UNC13C: variants seen among roughly 807,000 people sequenced by gnomAD.
UNC13C encodes the protein unc-13 homolog C.
In UNC13C, 174 loss-of-function variants were observed where a neutral mutation model predicts 245.4. The ratio of observed to expected loss-of-function variants is 0.71; its 90% CI spans 0.63 to 0.80. UNC13C has a LOEUF of 0.80. Among genes scored for constraint, UNC13C ranks in the 30% least tolerant of loss-of-function variants. UNC13C has a pLI of 0.00. For synonymous variants in UNC13C, 992 were observed against 895.1 expected (o/e 1.11, Z -1.93); for missense variants, 2,829 against 2,602.9 (o/e 1.09, Z -1.89).
intron 14 of UNC13C, 63 bp downstream of exon 14, chr15:54,322,158 C>A: frequency 7.0e-7 from 1 of 1,419,220 alleles, no homozygotes; most frequent in Non-Finnish European, 9.3e-7. Context: ...TTTCAAGAGA[C>A]TTTGAACTTA....
intron 7 of UNC13C, 97 bp from the exon 8 acceptor site, chr15:54,250,128 A>T: frequency 2.5e-6 from 3 of 1,201,494 alleles, no homozygotes. Context: ...TCAAAATACC[A>T]TTTTCAGAGA....
At chr15:54,525,716 C>T (rs1424176475) in intron 25 of UNC13C, 79 bp downstream of exon 25, 2 of 1,179,514 alleles carry the variant, frequency 1.7e-6, no homozygotes, top group African/African-American at 1.5e-5. Context: ...AATGCTGTTT[C>T]CTCTGACTGA....
chr15:54,022,575 G>A (rs1308893246), intron 2 of UNC13C, among the ~76,000 whole-genome samples: 2 of 152,086 alleles, frequency 1.3e-5, no homozygotes, highest in Non-Finnish European at 2.9e-5. Flanking sequence ...CAGGTTCTTT[G>A]CCTATTTTAA....
intron 30 of UNC13C, among the ~76,000 whole-genome samples, chr15:54,584,482 G>A (rs1239063075): frequency 4.6e-5 from 7 of 152,282 alleles, no homozygotes; most frequent in African/African-American, 7.2e-5. Flanking sequence ...CAAATTAAAC[G>A]TGCAAAACTG....
At chr15:54,449,274 A>C (rs987501395) in intron 19 of UNC13C, among the ~76,000 whole-genome samples, 1 of 151,974 alleles carries the variant, frequency 6.6e-6, no homozygotes, top group Non-Finnish European at 1.5e-5. Context: ...CTTCTCAAGG[A>C]GTATCTTTGT....
intron 24 of UNC13C, among the ~76,000 whole-genome samples, chr15:54,512,630 T>G (rs1365814479): frequency 1.3e-5 from 2 of 152,166 alleles, no homozygotes; most frequent in Non-Finnish European, 2.9e-5. Context: ...TTTCTCCCCA[T>G]GCCCTTATTC....
At chr15:54,331,095 C>A (rs1189603684) in intron 14 of UNC13C, among the ~76,000 whole-genome samples, 1 of 152,080 alleles carries the variant, frequency 6.6e-6, no homozygotes, top group Non-Finnish European at 1.5e-5. Context: ...CATAAATCCA[C>A]CTCCTCTGTG....
chr15:54,418,082 G>A lies in UNC13C; in HGVS notation c.4933+3015G>A, dbSNP rs563320513. Reference sequence around the variant, plus strand: ...GTTTTCTAGTCCCTTCTATATTGAAGTACATTGTTCATCAGTTTAATTGTC... The same window carrying A: ...GTTTTCTAGTCCCTTCTATATTGAAATACATTGTTCATCAGTTTAATTGTC... On this transcript the variant is annotated intron_variant, in intron 19 of 32. Coordinates refer to ENST00000260323, the MANE Select transcript of UNC13C (RefSeq NM_001080534.3). 5.3e-5 allele frequency among the ~76,000 whole-genome samples: 8 copies of A among 152,154 alleles called. No individual in the cohort carries two copies. The South Asian group carries it at 1.0e-3, about 20-fold the overall frequency.
chr15:54,376,934 T>C lies in UNC13C; in HGVS notation c.4714-16114T>C, dbSNP rs1015105459. Among the ~76,000 whole-genome samples the C allele has an allele frequency of 3.3e-5, 5 of 152,154 alleles. No individual in the cohort carries two copies. In the East Asian group the frequency reaches 9.6e-4, roughly 29 times the overall value. ...TAATCATCTTGAGATGAGATCCTCC[T>C]AGATTAGAATAGGCCCTAGATCCAA... On this transcript the variant is annotated intron_variant, in intron 17 of 32. Transcript: ENST00000260323.
chr15:53,982,055 A>T (rs1893948336), intron 1 of UNC13C, among the ~76,000 whole-genome samples: 1 of 152,184 alleles, frequency 6.6e-6, no homozygotes, highest in Non-Finnish European at 1.5e-5. Context: ...ATAGGAACTC[A>T]ACATTATAAA....
chr15:53,878,471 C>T, the UNC13C span, among the ~76,000 whole-genome samples: 14 of 152,040 alleles, frequency 9.2e-5, no homozygotes, highest in Non-Finnish European at 1.8e-4. Context: ...TTTTGTGATG[C>T]GATGTTCTGT....
chr15:54,074,137 T>TC (rs58569418), intron 2 of UNC13C, among the ~76,000 whole-genome samples: 147,435 of 152,294 alleles, frequency 0.97, 71,565 homozygotes, highest in Middle Eastern at 1. Flanking sequence ...GAAAAGAGAA[T>TC]CTTTCCCCAT....
At chr15:54,605,568 A>G (rs1899725090) in intron 30 of UNC13C, among the ~76,000 whole-genome samples, 1 of 152,074 alleles carries the variant, frequency 6.6e-6, no homozygotes, top group Non-Finnish European at 1.5e-5. Flanking sequence ...CCAAAATTCT[A>G]ATGTAATTGT....
chr15:54,204,714 A>G (rs1273306583), intron 4 of UNC13C, among the ~76,000 whole-genome samples: 1 of 152,078 alleles, frequency 6.6e-6, no homozygotes, highest in Non-Finnish European at 1.5e-5. Context: ...ACTTATTTTT[A>G]AGCTAATGAT....
chr15:54,236,446 T>C lies in UNC13C; in HGVS notation c.3156+11T>C. 2 of 1,590,360 alleles carry C rather than the reference T, an allele frequency of 1.3e-6. No homozygotes were observed. On this transcript the variant is annotated intron_variant, in intron 6 of 32. Transcript: ENST00000260323. ...AATCTTCAGGCCATGGTAAGTGCTT[T>C]GCTATTTATTTAATTAATATTTTGC...
intron 30 of UNC13C, among the ~76,000 whole-genome samples, chr15:54,590,969 G>A (rs1478886340): frequency 6.6e-6 from 1 of 151,998 alleles, no homozygotes; most frequent in African/African-American, 2.4e-5. Flanking sequence ...TATTTCCCTT[G>A]TATACCAATT....
intron 18 of UNC13C, among the ~76,000 whole-genome samples, chr15:54,410,411 A>C (rs2040392586): frequency 6.6e-6 from 1 of 151,130 alleles, no homozygotes; most frequent in African/African-American, 2.4e-5. Flanking sequence ...TTTCATTGCA[A>C]TTGCTTTTGG....
intron 2 of UNC13C, among the ~76,000 whole-genome samples, chr15:54,121,593 T>C (rs1041571759): frequency 2.6e-5 from 4 of 152,126 alleles, no homozygotes; most frequent in Non-Finnish European, 5.9e-5. Flanking sequence ...CACAGCTTTT[T>C]AATTTCCCTT....
At position 54,522,464 on chromosome 15, in the gene UNC13C, C is replaced by T. The variant is rs140638373; in HGVS notation, c.5458-3085C>T. Among the ~76,000 whole-genome samples, 861 of 151,914 alleles carry T rather than the reference C, an allele frequency of 5.7e-3. 19 individuals carry two copies. Among genetic ancestry groups the T allele is most frequent in the East Asian group, 0.012 (60 of 5,166 alleles). On this transcript the variant is annotated intron_variant, in intron 24 of 32. Transcript: ENST00000260323. ...CTGCACTCCAGCCTGGGCAACAGAGCGAGATTCTGTCTCAAAAACAAAACA... is the reference window on the plus strand; with the variant it reads ...CTGCACTCCAGCCTGGGCAACAGAGTGAGATTCTGTCTCAAAAACAAAACA...
Sources: gnomAD v4.1 joint callset for allele counts (sites outside exome capture counted in the v4.1 genomes callset) on GRCh38, gnomAD v4.1.1 for gene constraint, MANE v1.5 for transcripts, NCBI Gene and HGNC (gene_info 2026-07-23, HGNC 2026-07-21) for gene names.